The following GDPD5 variants were observed in gnomAD, a reference collection of about 807,000 sequenced individuals.
GDPD5 encodes glycerophosphodiester phosphodiesterase 2.
GDPD5 carries 48 observed loss-of-function variants against 75.1 expected under a neutral mutation model. The ratio of observed to expected loss-of-function variants is 0.64; its 90% CI spans 0.51 to 0.81. GDPD5 has a LOEUF of 0.81. GDPD5 is among the 40% of genes least tolerant of loss of function. The probability of loss-of-function intolerance (pLI) is 0.00; values close to 1 mark genes in which losing one functional copy is unlikely to be tolerated. For missense variants in GDPD5, 706 were observed against 822.6 expected (o/e 0.86, Z 1.73); for synonymous variants, 336 against 339.0 (o/e 0.99, Z 0.10).
At chr11:75,522,799 T>A (rs1350655096) in intron 1 of GDPD5, among the ~76,000 whole-genome samples, 3 of 152,230 alleles carry the variant, frequency 2.0e-5, no homozygotes, top group East Asian at 3.9e-4. Context: ...AATTATTCAC[T>A]GCACCTTGGT....
chr11:75,493,565 T>A (rs1950152869), intron 1 of GDPD5, among the ~76,000 whole-genome samples: 1 of 151,784 alleles, frequency 6.6e-6, no homozygotes, highest in African/African-American at 2.4e-5. Flanking sequence ...ACGCCAGGCC[T>A]CTCCATTTCT....
chr11:75,439,791 G>GA, intron 15 of GDPD5, 88 bp downstream of exon 15: 1 of 1,080,236 alleles, frequency 9.3e-7, no homozygotes, highest in Non-Finnish European at 1.4e-6. Flanking sequence ...TGAGGCCCAG[G>GA]GCTCAGGAGA....
At chr11:75,436,152 A>G (rs1319012143) in intron 16 of GDPD5, among the ~76,000 whole-genome samples, 1 of 152,146 alleles carries the variant, frequency 6.6e-6, no homozygotes, top group Non-Finnish European at 1.5e-5. Context: ...AAATACCTCA[A>G]GGACCAGGGT....
chr11:75,439,940 T>C lies in GDPD5; in HGVS notation c.1495A>G (p.Met499Val), dbSNP rs368586833. The change falls in exon 15 of 17, where the codon ATG becomes GTG. Residue 499 changes from methionine to valine, a missense_variant. Met to Val is a conservative substitution (Grantham distance 21, BLOSUM62 1). Transcript: ENST00000336898. ...WIMPPDEYCL[M>V]WVTADLVSFT... ...GAGACCAGGTCGGCAGTGACCCACA[T>C]GAGACAGTACTCGTCCGGGGGCTGT... The C allele has an allele frequency of 2.1e-5, 34 of 1,613,752 alleles. No individual in the cohort carries two copies. The Middle Eastern group carries it at 1.2e-3, about 55-fold the overall frequency.
chr11:75,449,805 T>C (rs1163111932), intron 7 of GDPD5, 80 bp downstream of exon 7: 8 of 1,488,250 alleles, frequency 5.4e-6, no homozygotes, highest in Non-Finnish European at 6.5e-6. Flanking sequence ...TCCCTGCCCT[T>C]CTTTGGGCCT....
intron 1 of GDPD5, among the ~76,000 whole-genome samples, 198 bp downstream of exon 1, chr11:75,525,012 G>T (rs1372188968): frequency 6.6e-6 from 1 of 152,214 alleles, no homozygotes; most frequent in African/African-American, 2.4e-5. Flanking sequence ...CTTAGGCGGG[G>T]CGGGGCGGGG....
intron 3 of GDPD5, among the ~76,000 whole-genome samples, chr11:75,465,441 T>C (rs1949495402): frequency 6.6e-6 from 1 of 152,218 alleles, no homozygotes; most frequent in African/African-American, 2.4e-5. Context: ...ATCTCACCTA[T>C]GGCTCAGACC....
chr11:75,483,392 G>A (rs530692388), intron 2 of GDPD5, among the ~76,000 whole-genome samples: 8 of 152,252 alleles, frequency 5.3e-5, no homozygotes, highest in African/African-American at 1.9e-4. Context: ...TGCTGGGATG[G>A]GCGTGCACCT....
intron 3 of GDPD5, among the ~76,000 whole-genome samples, chr11:75,475,542 GAATA>G (rs2135360402): frequency 6.6e-6 from 1 of 152,268 alleles, no homozygotes; most frequent in East Asian, 1.9e-4. Context: ...CCTCAGGAAG[GAATA>G]GAGAGAGAAA....
intron 2 of GDPD5, chr11:75,485,232 A>G (rs1279248221): frequency 2.6e-5 from 4 of 152,246 alleles, no homozygotes; most frequent in Non-Finnish European, 4.4e-5. Flanking sequence ...GAGGGCAGTG[A>G]AGCTCTTCTG....
intron 14 of GDPD5, among the ~76,000 whole-genome samples, 195 bp from the exon 15 acceptor site, chr11:75,440,156 C>T (rs899837597): frequency 5.9e-5 from 9 of 152,104 alleles, no homozygotes; most frequent in Non-Finnish European, 7.4e-5. Context: ...GGGGCCGGGG[C>T]GTGTGTGTGC....
intron 15 of GDPD5, among the ~76,000 whole-genome samples, chr11:75,439,015 T>C (rs1592051936): frequency 1.3e-5 from 2 of 151,568 alleles, no homozygotes; most frequent in South Asian, 4.2e-4. Flanking sequence ...GGCAGGGGGA[T>C]GGGGGTACCC....
In GDPD5 at chr11:75,509,685, CT is replaced by C. The variant is rs1417164115; in HGVS notation, c.-145+15524del. ...AGAGGCTGAGTCACTTGCCCATTTT[CT>C]TTTTCTTTTTTGAGATGGAGTCTTG... On this transcript the variant is annotated intron_variant, in intron 1 of 16. Coordinates refer to ENST00000336898, the MANE Select transcript of GDPD5 (RefSeq NM_030792.8). Among the ~76,000 whole-genome samples the C allele has an allele frequency of 3.9e-5, 6 of 152,204 alleles. No homozygotes were observed. In the East Asian group the frequency reaches 1.2e-3, roughly 29 times the overall value.
At chr11:75,486,883 G>A (rs1446794227) in intron 2 of GDPD5, among the ~76,000 whole-genome samples, 2 of 152,196 alleles carry the variant, frequency 1.3e-5, no homozygotes, top group Admixed American at 6.5e-5. Context: ...GGCATTTTAG[G>A]TAAGGAGACA....
chr11:75,469,801 G>A (rs950123116), intron 3 of GDPD5, among the ~76,000 whole-genome samples: 3 of 152,318 alleles, frequency 2.0e-5, no homozygotes, highest in South Asian at 2.1e-4. Context: ...TCAACTTATG[G>A]TGTTGGGACA....
intron 1 of GDPD5, among the ~76,000 whole-genome samples, chr11:75,505,445 C>A (rs1304896670): frequency 6.6e-6 from 1 of 152,152 alleles, no homozygotes; most frequent in Non-Finnish European, 1.5e-5. Flanking sequence ...TGCTCCCAGG[C>A]CCACTCACTG....
At chr11:75,456,442 C>A (rs145786337) in intron 6 of GDPD5, 1 of 391,410 alleles carries the variant, frequency 2.6e-6, no homozygotes, top group African/African-American at 2.0e-5. Context: ...CACATGACTG[C>A]GGGACCCTGG....
rs112488217 is a variant in GDPD5 at position 75,449,475 on chromosome 11, C to A, written c.568+42G>T. On this transcript the variant is annotated intron_variant, in intron 8 of 16. Coordinates refer to ENST00000336898, the MANE Select transcript of GDPD5 (RefSeq NM_030792.8). ...GGGCAGCACCAGCTGGTCTTGGCAC[C>A]TGCAGGGATTGGAGGGGCAGGCCCT... The A allele has an allele frequency of 6.8e-3, 10,314 of 1,525,134 alleles. 63 individuals carry two copies. The highest frequency in any genetic ancestry group is 0.02 in the Middle Eastern group (115 of 5,800). 94.5% of individuals were successfully genotyped at this position (1,525,134 alleles called of 1,614,324 possible).
intron 6 of GDPD5, among the ~76,000 whole-genome samples, chr11:75,453,906 G>A (rs148454050): frequency 6.9e-3 from 1,055 of 152,200 alleles, no homozygotes; most frequent in Middle Eastern, 0.017. Context: ...TGTTAAAAAC[G>A]TGGAAATATA....
Sources: allele counts gnomAD v4.1 joint callset (sites outside exome capture counted in the v4.1 genomes callset), GRCh38; gene constraint gnomAD v4.1.1; transcripts MANE v1.5; gene names NCBI Gene and HGNC (gene_info 2026-07-23, HGNC 2026-07-21).